Variants in KLHL24 observed in about 807,000 individuals in gnomAD.
KLHL24 encodes the protein kelch like family member 24, also known as kelch-like protein 24.
In KLHL24, 29 loss-of-function variants were observed where a neutral mutation model predicts 53.4. That is an observed-to-expected ratio of 0.54 (90% CI 0.40 to 0.74). The LOEUF is 0.74. Among genes scored for constraint, KLHL24 ranks in the 30% least tolerant of loss-of-function variants. KLHL24 has a pLI of 0.00. For synonymous variants in KLHL24, 222 were observed against 253.7 expected, an observed-to-expected ratio of 0.88 and a Z score of 1.19; for missense variants, 504 against 744.0, an observed-to-expected ratio of 0.68 and a Z score of 3.75.
chr3:183,673,201 G>A (rs545453806), intron 7 of KLHL24, among the ~76,000 whole-genome samples: 47 of 152,028 alleles, frequency 3.1e-4, no homozygotes, highest in Middle Eastern at 3.4e-3. Flanking sequence ...GTGAGACTCC[G>A]TCTCAAAAAA....
chr3:183,647,450 C>T (rs368729159), intron 2 of KLHL24, among the ~76,000 whole-genome samples: 2 of 149,268 alleles, frequency 1.3e-5, no homozygotes, highest in Non-Finnish European at 1.5e-5. Flanking sequence ...AAAAGGATTA[C>T]GCCTGTAATC....
intron 5 of KLHL24, among the ~76,000 whole-genome samples, chr3:183,666,783 C>T (rs539798488): frequency 2.8e-4 from 42 of 152,188 alleles, no homozygotes; most frequent in African/African-American, 1.0e-3. Flanking sequence ...ATATCTAATA[C>T]AAAAATTTAT....
chr3:183,641,346 C>T (rs977925386), intron 1 of KLHL24, among the ~76,000 whole-genome samples: 21 of 151,770 alleles, frequency 1.4e-4, no homozygotes, highest in South Asian at 4.2e-4. Context: ...TACATGGTGG[C>T]GCACACCTGT....
In KLHL24 at chr3:183,682,675, C is replaced by T. The variant is rs1261362469; in HGVS notation, c.*3389C>T. ...TTGTGGACTGATACATTTTATCTTA[C>T]TGAATATGAATTGTTTATGTATCTC... On this transcript the variant is annotated 3_prime_UTR_variant, in exon 8 of 8. Coordinates refer to ENST00000242810, the MANE Select transcript of KLHL24 (RefSeq NM_017644.3). The T allele has an allele frequency of 1.3e-5, 2 of 152,488 alleles. No individual in the cohort carries two copies. Among genetic ancestry groups the T allele is most frequent in the Non-Finnish European group, 2.9e-5 (2 of 68,018 alleles). The allele number at this position is 152,488 out of a possible 1,614,324, so 9.4% of individuals were successfully genotyped here.
intron 7 of KLHL24, 100 bp downstream of exon 7, chr3:183,672,584 G>T: frequency 2.2e-6 from 2 of 914,906 alleles, no homozygotes; most frequent in Non-Finnish European, 3.1e-6. Flanking sequence ...AATATTTCAG[G>T]CTGGGCGTGG....
At chr3:183,638,271 A>G (rs1715694844) in intron 1 of KLHL24, among the ~76,000 whole-genome samples, 1 of 152,240 alleles carries the variant, frequency 6.6e-6, no homozygotes, top group South Asian at 2.1e-4. Context: ...TTCTGCGTTA[A>G]GGCTGACTAC....
rs575804317 is a variant in KLHL24, at chr3:183,649,587, T to C, written c.-61-709T>C. Among the ~76,000 whole-genome samples, 157 of 152,098 alleles carry C rather than the reference T, an allele frequency of 1.0e-3. 2 individuals carry two copies. The highest frequency in any genetic ancestry group is 3.6e-3 in the African/African-American group (150 of 41,524). ...TATTTTTAAAGGCTATTGATAGATA[T>C]AGCTAAATTCCTCTCTAGGAATTCT... is the stretch of plus-strand genomic sequence containing the variant. On this transcript the variant is annotated intron_variant, in intron 2 of 7. Coordinates refer to ENST00000242810, the MANE Select transcript of KLHL24 (RefSeq NM_017644.3).
At chr3:183,660,131 C>CT (rs11366516) in intron 3 of KLHL24, among the ~76,000 whole-genome samples, 1,444 of 135,400 alleles carry the variant, frequency 0.011, 12 homozygotes, top group African/African-American at 0.029. Flanking sequence ...GTTTTTCTTT[C>CT]TTTTTTTTTT....
At chr3:183,639,076 C>T (rs562646595) in intron 1 of KLHL24, among the ~76,000 whole-genome samples, 82 of 152,150 alleles carry the variant, frequency 5.4e-4, no homozygotes, top group Admixed American at 7.2e-4. Context: ...CCGCAGGCGG[C>T]TGTAATCCCA....
chr3:183,666,080 G>A (rs1443463114), intron 5 of KLHL24, among the ~76,000 whole-genome samples: 3 of 151,838 alleles, frequency 2.0e-5, no homozygotes, highest in South Asian at 2.1e-4. Flanking sequence ...GCAGGGTTTC[G>A]CCATGTTGGC....
At chr3:183,647,285 G>C (rs1270679072) in intron 2 of KLHL24, among the ~76,000 whole-genome samples, 1 of 152,028 alleles carries the variant, frequency 6.6e-6, no homozygotes, top group Non-Finnish European at 1.5e-5. Context: ...GTGTGGTGGT[G>C]CACGCCTGTA....
chr3:183,648,960 G>A (rs914888580), intron 2 of KLHL24, among the ~76,000 whole-genome samples: 6 of 151,842 alleles, frequency 4.0e-5, no homozygotes, highest in Non-Finnish European at 7.4e-5. Flanking sequence ...TCAAGATCGC[G>A]CCATTGCACT....
At chr3:183,664,784 A>T in intron 4 of KLHL24, 137 bp from the exon 5 acceptor site, 1 of 498,470 alleles carries the variant, frequency 2.0e-6, no homozygotes, top group Non-Finnish European at 3.6e-6. Context: ...GTCTTTATTT[A>T]TTGAGCTGAA....
In KLHL24 at chr3:183,665,736, G is replaced by A. The variant is rs568783123; in HGVS notation, c.1224+697G>A. Among the ~76,000 whole-genome samples, 8 of 152,016 alleles carry A rather than the reference G, an allele frequency of 5.3e-5. No homozygotes were observed. The East Asian group carries it at 1.2e-3, about 22-fold the overall frequency. On this transcript the variant is annotated intron_variant, in intron 5 of 7. Coordinates refer to ENST00000242810, the MANE Select transcript of KLHL24 (RefSeq NM_017644.3). Reference sequence around the variant, plus strand: ...CTGCACTCCAGCCTGGCAACAGAGCGAGACTCCATCTCAAAAAAATAAAAA... The same window carrying A: ...CTGCACTCCAGCCTGGCAACAGAGCAAGACTCCATCTCAAAAAAATAAAAA...
At chr3:183,642,602 C>CAAAA (rs377410456) in intron 1 of KLHL24, among the ~76,000 whole-genome samples, 1,703 of 92,688 alleles carry the variant, frequency 0.018, 111 homozygotes, top group African/African-American at 0.055. Flanking sequence ...CCCCTTCCAC[C>CAAAA]AAAAAAAAAA....
At chr3:183,639,176 G>A (rs560190170) in intron 1 of KLHL24, among the ~76,000 whole-genome samples, 1 of 152,112 alleles carries the variant, frequency 6.6e-6, no homozygotes, top group Non-Finnish European at 1.5e-5. Context: ...CTCCGGCCTG[G>A]GCAACAGGAG....
At chr3:183,655,312 C>A (rs773058467) in intron 3 of KLHL24, among the ~76,000 whole-genome samples, 13 of 152,142 alleles carry the variant, frequency 8.5e-5, no homozygotes, top group Non-Finnish European at 1.6e-4. Flanking sequence ...AGACTAATCA[C>A]AGAAGGAGTA....
chr3:183,650,128 C>T lies in KLHL24; in HGVS notation c.-61-168C>T, dbSNP rs1310480056. ...AAATTACCCCAATGTTCTAATTGTT[C>T]AAATGCAAATTTTTGTTGATTAGTT... is the stretch of plus-strand genomic sequence containing the variant. On this transcript the variant is annotated intron_variant, in intron 2 of 7. Coordinates refer to ENST00000242810, the MANE Select transcript of KLHL24 (RefSeq NM_017644.3). The surrounding 1 kb of genome is among the most constrained non-coding windows in gnomAD (Gnocchi z 4.5). Among the ~76,000 whole-genome samples, 1 of 152,112 alleles carries T rather than the reference C, an allele frequency of 6.6e-6. No homozygotes were observed. Among genetic ancestry groups the T allele is most frequent in the East Asian group, 1.9e-4 (1 of 5,190 alleles).
chr3:183,661,713 G>A (rs952649716), intron 3 of KLHL24, among the ~76,000 whole-genome samples: 2 of 152,210 alleles, frequency 1.3e-5, no homozygotes, highest in African/African-American at 2.4e-5. Flanking sequence ...ATTGGGCTAA[G>A]AAGTCTTGAA....
Sources: allele counts gnomAD v4.1 joint callset (sites outside exome capture counted in the v4.1 genomes callset), GRCh38; gene constraint gnomAD v4.1.1; non-coding constraint Gnocchi (gnomAD v3.1); transcripts MANE v1.5; gene names NCBI Gene and HGNC (gene_info 2026-07-23, HGNC 2026-07-21).